SAMMSON: variants seen among roughly 807,000 people sequenced by gnomAD.
The protein encoded by SAMMSON is survival associated mitochondrial melanoma specific oncogenic non-coding RNA.
chr3:70,072,594 A>G (rs768054920), intron 4 of SAMMSON: 1 of 150,806 alleles, frequency 6.6e-6, no homozygotes, highest in Non-Finnish European at 1.5e-5. Context: ...TTAGCCCCCA[A>G]AGCAAAGGAC....
chr3:70,181,064 A>G (rs1465059240), intron 4 of SAMMSON, among the ~76,000 whole-genome samples: 1 of 152,144 alleles, frequency 6.6e-6, no homozygotes, highest in Non-Finnish European at 1.5e-5. Context: ...GGAATTTATC[A>G]TGGGAACAGT....
intron 4 of SAMMSON, among the ~76,000 whole-genome samples, chr3:70,139,001 T>G (rs796883766): frequency 1.2e-4 from 18 of 152,260 alleles, no homozygotes; most frequent in African/African-American, 4.1e-4. Flanking sequence ...CCTGCCTTAT[T>G]TGAAATTGTG....
At chr3:70,115,000 C>G (rs922054344) in intron 4 of SAMMSON, among the ~76,000 whole-genome samples, 1 of 151,790 alleles carries the variant, frequency 6.6e-6, no homozygotes, top group African/African-American at 2.4e-5. Flanking sequence ...TGAAAGGGAC[C>G]AAATCTTACA....
intron 3 of SAMMSON, among the ~76,000 whole-genome samples, chr3:70,043,473 C>T (rs557262912): frequency 6.6e-6 from 1 of 152,152 alleles, no homozygotes; most frequent in African/African-American, 2.4e-5. Context: ...TTGTTAGAGA[C>T]TCCTTTTTGT....
intron 4 of SAMMSON, among the ~76,000 whole-genome samples, chr3:70,197,501 A>G (rs1205180140): frequency 1.3e-5 from 2 of 152,150 alleles, no homozygotes; most frequent in African/African-American, 4.8e-5. Flanking sequence ...ACAATTAGCT[A>G]CCTCTCTGGA....
chr3:70,323,374 T>G (rs1489457770), intron 7 of SAMMSON, among the ~76,000 whole-genome samples: 2 of 152,170 alleles, frequency 1.3e-5, no homozygotes, highest in African/African-American at 4.8e-5. Flanking sequence ...CTCCGAATTG[T>G]CAACTTCTCT....
At chr3:70,385,088 A>G (rs539426328) in intron 9 of SAMMSON, among the ~76,000 whole-genome samples, 118 of 152,252 alleles carry the variant, frequency 7.8e-4, no homozygotes, top group African/African-American at 2.7e-3. Flanking sequence ...CCATCTTTCT[A>G]AGGAATGTCT....
intron 3 of SAMMSON, among the ~76,000 whole-genome samples, chr3:70,067,889 A>G (rs1433612278): frequency 2.0e-5 from 3 of 152,110 alleles, no homozygotes; most frequent in Non-Finnish European, 4.4e-5. Flanking sequence ...TGCTTTTGCT[A>G]CTGTCATTTC....
intron 4 of SAMMSON, among the ~76,000 whole-genome samples, chr3:70,181,196 A>G (rs1701051017): frequency 6.6e-6 from 1 of 152,286 alleles, no homozygotes; most frequent in South Asian, 2.1e-4. Context: ...GGCCAAGTTT[A>G]TTGCGTGAAA....
intron 7 of SAMMSON, among the ~76,000 whole-genome samples, chr3:70,322,418 G>T (rs962025119): frequency 6.6e-6 from 1 of 152,100 alleles, no homozygotes; most frequent in Non-Finnish European, 1.5e-5. Flanking sequence ...CATCTTGACT[G>T]TGTCTTTGCT....
chr3:70,114,693 A>C (rs968752441), intron 4 of SAMMSON, among the ~76,000 whole-genome samples: 2 of 152,222 alleles, frequency 1.3e-5, no homozygotes, highest in African/African-American at 2.4e-5. Flanking sequence ...ACACTGGGGA[A>C]AGATTTTAAA....
intron 4 of SAMMSON, chr3:70,084,791 T>C (rs1418395794): frequency 6.6e-6 from 1 of 152,236 alleles, no homozygotes; most frequent in Non-Finnish European, 1.5e-5. Flanking sequence ...AGGCACACTA[T>C]ATGAATTACT....
intron 4 of SAMMSON, among the ~76,000 whole-genome samples, chr3:70,080,964 A>C (rs2067265834): frequency 6.6e-6 from 1 of 152,128 alleles, no homozygotes; most frequent in Non-Finnish European, 1.5e-5. Flanking sequence ...GTATTTTGTA[A>C]TGCCTACAAA....
chr3:70,062,574 C>G (rs888479242), intron 3 of SAMMSON, among the ~76,000 whole-genome samples: 2 of 152,078 alleles, frequency 1.3e-5, no homozygotes, highest in Non-Finnish European at 2.9e-5. Context: ...AGATGCTCTT[C>G]ATGATCTTTC....
chr3:70,280,110 T>G (rs1339692384), intron 6 of SAMMSON, among the ~76,000 whole-genome samples: 2 of 152,154 alleles, frequency 1.3e-5, no homozygotes, highest in African/African-American at 2.4e-5. Flanking sequence ...ATCTATTTTT[T>G]GCCTCTTCCA....
At chr3:70,269,778 T>C (rs1346402484) in intron 6 of SAMMSON, among the ~76,000 whole-genome samples, 1 of 152,122 alleles carries the variant, frequency 6.6e-6, no homozygotes, top group Non-Finnish European at 1.5e-5. Context: ...ATTCTCCAAA[T>C]TGCTAAAAGG....
rs527543532 is a variant in SAMMSON, at chr3:70,104,463, T to A, written n.507+32898T>A. Among the ~76,000 whole-genome samples, 5 of 152,188 alleles carry A rather than the reference T, an allele frequency of 3.3e-5. No homozygotes were observed. The East Asian group carries it at 9.7e-4, about 29-fold the overall frequency. The stretch of plus-strand genomic sequence containing the variant: ...TCAATTAATGTTTGCCATTTGATGA[T>A]GCTGATAGAAGTAAAAGCCCTAGGT... On this transcript the variant is annotated intron_variant and non_coding_transcript_variant, in intron 4 of 9. Coordinates refer to ENST00000642114, the Ensembl canonical transcript of SAMMSON.
At chr3:70,166,366 T>C (rs370617879) in intron 4 of SAMMSON, among the ~76,000 whole-genome samples, 1 of 152,152 alleles carries the variant, frequency 6.6e-6, no homozygotes, top group East Asian at 1.9e-4. Context: ...GAAGAATTGC[T>C]TCCAATAGCT....
chr3:70,041,729 A>G (rs1471207842), intron 3 of SAMMSON, among the ~76,000 whole-genome samples: 1 of 152,144 alleles, frequency 6.6e-6, no homozygotes, highest in African/African-American at 2.4e-5. Flanking sequence ...ATTAGGTGTT[A>G]TTAGTAATCT....
Sources: allele counts gnomAD v4.1 joint callset (sites outside exome capture counted in the v4.1 genomes callset), GRCh38; gene constraint gnomAD v4.1.1; transcripts MANE v1.5; gene names NCBI Gene and HGNC (gene_info 2026-07-23, HGNC 2026-07-21).